The following FBXO6 variants were observed in gnomAD, a reference collection of about 807,000 sequenced individuals.
The protein encoded by FBXO6 is F-box only protein 6.
A neutral mutation model predicts 25.0 loss-of-function variants in FBXO6; 13 were observed. That is an observed-to-expected ratio of 0.52 (90% CI 0.34 to 0.83). The LOEUF is 0.83. Ranked by LOEUF, FBXO6 falls within the 40% of genes least tolerant of loss-of-function variation. The pLI, the probability that FBXO6 is intolerant of heterozygous loss-of-function variation, is 0.02. For missense variants in FBXO6, 370 were observed against 380.2 expected, an observed-to-expected ratio of 0.97 and a Z score of 0.22; for synonymous variants, 138 against 155.3, an observed-to-expected ratio of 0.89 and a Z score of 0.83.
At position 11,671,269 on chromosome 1, in the gene FBXO6, A is replaced by G; in HGVS notation, c.290A>G (p.Asp97Gly). ...NLLRNPCAEE[D>G]MFAWQIDFNG... Reference sequence around the variant, plus strand: ...CCTTGGCTTCTGTTCTTCCTAGAGGATATGTTTGCATGGCAAATTGATTTC... The same window carrying G: ...CCTTGGCTTCTGTTCTTCCTAGAGGGTATGTTTGCATGGCAAATTGATTTC... The change falls in exon 3 of 6, where the codon GAT becomes GGT. Residue 97 changes from aspartate (D) to glycine (G), a missense_variant. Asp to Gly is a moderately conservative substitution (Grantham distance 94). Coordinates refer to ENST00000376753, the MANE Select transcript of FBXO6 (RefSeq NM_018438.6). 6.2e-7 allele frequency: 1 copy of G among 1,613,596 alleles called. No homozygotes were observed. Among genetic ancestry groups the G allele is most frequent in the Non-Finnish European group, 8.5e-7 (1 of 1,179,780 alleles).
intron 1 of FBXO6, among the ~76,000 whole-genome samples, chr1:11,667,374 T>C (rs1640472219): frequency 6.6e-6 from 1 of 152,158 alleles, no homozygotes; most frequent in Non-Finnish European, 1.5e-5. Context: ...GCTGTGGCAC[T>C]GCTTGAAGTT....
intron 4 of FBXO6, 42 bp downstream of exon 4, chr1:11,672,065 T>A: frequency 2.6e-6 from 4 of 1,511,396 alleles, no homozygotes; most frequent in Non-Finnish European, 3.7e-6. Flanking sequence ...CTCTACATGC[T>A]CCTCTTACTG....
chr1:11,665,554 CTTTT>C (rs70983579), intron 1 of FBXO6, among the ~76,000 whole-genome samples: 4 of 37,850 alleles, frequency 1.1e-4, no homozygotes, highest in African/African-American at 1.5e-4. Context: ...CGCGCCCGGC[CTTTT>C]TTTTTTTTTT....
At position 11,673,306 on chromosome 1, in the gene FBXO6, C is replaced by T. The variant is rs763959420; in HGVS notation, c.539C>T (p.Thr180Ile). The T allele has an allele frequency of 6.2e-7, 1 of 1,613,978 alleles. No homozygotes were observed. Residue 180 changes from threonine to isoleucine, a missense_variant, in exon 5 of 6, where the codon ACC becomes ATC. Transcript: ENST00000376753. This position sits in a 1 kb window ranked among gnomAD's most constrained non-coding sequence, Gnocchi z 4.3. ...GCTGCCAGAGCCGACTGTGGCTGCACCTACCAACTCAAAGTGCAGCTGGCC... is the reference window on the plus strand; with the variant it reads ...GCTGCCAGAGCCGACTGTGGCTGCATCTACCAACTCAAAGTGCAGCTGGCC... ...WFAARADCGC[T>I]YQLKVQLASA...
intron 3 of FBXO6, 109 bp from the exon 4 acceptor site, chr1:11,671,819 A>G: frequency 1.0e-6 from 1 of 957,100 alleles, no homozygotes; most frequent in Non-Finnish European, 1.7e-6. Flanking sequence ...GGGGTACCCT[A>G]GGTCCCCAAA....
chr1:11,669,723 TATATAC>T lies in FBXO6; in HGVS notation c.286+789_286+794del, dbSNP rs571137449. ...ATATGTATACATATATGTGTATACA[TATATAC>T]ATATACATACACACACACACACACA... is the stretch of plus-strand genomic sequence containing the variant. On this transcript the variant is annotated intron_variant, in intron 2 of 5. Coordinates refer to ENST00000376753, the MANE Select transcript of FBXO6 (RefSeq NM_018438.6). Among the ~76,000 whole-genome samples the T allele has an allele frequency of 1.9e-3, 237 of 127,078 alleles. 1 individual carries two copies. Among genetic ancestry groups the T allele is most frequent in the African/African-American group, 6.3e-3 (222 of 35,002 alleles). The allele number at this position is 127,078 out of a possible 152,430, so 83.4% of individuals were successfully genotyped here.
At chr1:11,672,109 G>C (rs905181546) in intron 4 of FBXO6, 86 bp downstream of exon 4, 2 of 1,230,766 alleles carry the variant, frequency 1.6e-6, no homozygotes, top group South Asian at 2.6e-5. Flanking sequence ...CATAGCAAGT[G>C]CCCACTCTGC....
intron 2 of FBXO6, among the ~76,000 whole-genome samples, chr1:11,669,783 CCCA>C (rs2100693412): frequency 6.7e-6 from 1 of 149,644 alleles, no homozygotes; most frequent in East Asian, 2.1e-4. Context: ...ATTACAGGCG[CCCA>C]CCACCATGCC....
chr1:11,673,510 C>A lies in FBXO6; in HGVS notation c.645+98C>A. The A allele has an allele frequency of 6.3e-7, 1 of 1,576,094 alleles. No individual in the cohort carries two copies. Among genetic ancestry groups the A allele is most frequent in the South Asian group, 1.2e-5 (1 of 85,582 alleles). On this transcript the variant is annotated intron_variant, in intron 5 of 5. Transcript: ENST00000376753. The surrounding 1 kb of genome is among the most constrained non-coding windows in gnomAD (Gnocchi z 4.3). The stretch of plus-strand genomic sequence containing the variant: ...TCAGGGCCCAGGGTGCCCCTGCTGG[C>A]CTGGAGCTGTTGCCTTCCAGCCTGG...
At chr1:11,667,186 T>C (rs1023135079) in intron 1 of FBXO6, among the ~76,000 whole-genome samples, 2 of 150,364 alleles carry the variant, frequency 1.3e-5, no homozygotes, top group African/African-American at 4.9e-5. Context: ...CCAGCAAGGT[T>C]CTGTTTCCCT....
intron 3 of FBXO6, 135 bp downstream of exon 3, chr1:11,671,527 C>A: frequency 8.1e-7 from 1 of 1,237,638 alleles, no homozygotes. Flanking sequence ...AAAACTTGCC[C>A]AGAGTCACTG....
chr1:11,664,523 G>A (rs1418071211), intron 1 of FBXO6: 5 of 130,134 alleles, frequency 3.8e-5, no homozygotes, highest in Admixed American at 7.6e-5. Context: ...GGGCGGCCAG[G>A]GGTGGGGGGC....
intron 2 of FBXO6, among the ~76,000 whole-genome samples, chr1:11,670,736 C>T (rs768462162): frequency 6.6e-6 from 1 of 152,068 alleles, no homozygotes; most frequent in East Asian, 1.9e-4. Flanking sequence ...GGATTACAGG[C>T]GCAAGCCACC....
intron 2 of FBXO6, among the ~76,000 whole-genome samples, chr1:11,669,413 G>A (rs1369996031): frequency 6.6e-6 from 1 of 151,404 alleles, no homozygotes; most frequent in Non-Finnish European, 1.5e-5. Flanking sequence ...GCGGTGAGCC[G>A]AGATGGCTCC....
chr1:11,667,599 A>AT (rs5772466), intron 1 of FBXO6, among the ~76,000 whole-genome samples: 43,230 of 149,608 alleles, frequency 0.29, 6,439 homozygotes, highest in African/African-American at 0.37. Context: ...CCTCCATCTG[A>AT]TTTTTTTTTT....
At chr1:11,671,724 C>G (rs1640619695) in intron 3 of FBXO6, among the ~76,000 whole-genome samples, 1 of 152,164 alleles carries the variant, frequency 6.6e-6, no homozygotes, top group African/African-American at 2.4e-5. Flanking sequence ...CAAATGCCGC[C>G]CAGGCACAAG....
chr1:11,669,193 C>T (rs920422974), intron 2 of FBXO6, among the ~76,000 whole-genome samples: 4 of 152,230 alleles, frequency 2.6e-5, no homozygotes, highest in Non-Finnish European at 4.4e-5. Flanking sequence ...TCACAAGGCG[C>T]GGTGGCTCAC....
chr1:11,668,297 A>G (rs960029768), intron 1 of FBXO6, among the ~76,000 whole-genome samples: 3 of 151,602 alleles, frequency 2.0e-5, no homozygotes, highest in Non-Finnish European at 4.4e-5. Context: ...AGACTTTACT[A>G]TTTGTATTGC....
At chr1:11,671,181 C>T in intron 2 of FBXO6, 85 bp from the exon 3 acceptor site, 2 of 1,545,224 alleles carry the variant, frequency 1.3e-6, no homozygotes, top group Non-Finnish European at 8.8e-7. Flanking sequence ...CAACCACCCT[C>T]CCTCCCGCCC....
Sources: allele counts gnomAD v4.1 joint callset (sites outside exome capture counted in the v4.1 genomes callset), GRCh38; gene constraint gnomAD v4.1.1; non-coding constraint Gnocchi (gnomAD v3.1); transcripts MANE v1.5; gene names NCBI Gene and HGNC (gene_info 2026-07-23, HGNC 2026-07-21).